Variants in ZC3H18 observed in about 807,000 individuals in gnomAD.
The protein encoded by ZC3H18 is zinc finger CCCH domain-containing protein 18.
A neutral mutation model predicts 106.1 loss-of-function variants in ZC3H18; 8 were observed. That is an observed-to-expected ratio of 0.08 (90% CI 0.04 to 0.14). The LOEUF (loss-of-function observed/expected upper bound fraction) is 0.14. Among genes scored for constraint, ZC3H18 ranks in the 10% least tolerant of loss-of-function variants. The pLI is 1.00. For missense variants in ZC3H18, 1,318 were observed against 1,278.4 expected (o/e 1.03, Z -0.47); for synonymous variants, 635 against 522.1 (o/e 1.22, Z -2.95).
At chr16:88,570,838 C>T (rs903786218) in intron 1 of ZC3H18, among the ~76,000 whole-genome samples, 1 of 152,226 alleles carries the variant, frequency 6.6e-6, no homozygotes, top group African/African-American at 2.4e-5. Flanking sequence ...CGCCCCGCGG[C>T]AGAGTTTATT....
Position 88,580,070 on chromosome 16 carries a change from C to T in ZC3H18, c.603+2344C>T, listed in dbSNP as rs1213441664. On this transcript the variant is annotated intron_variant, in intron 2 of 17. Transcript: ENST00000301011. ...TTCCCACGCCCAGCAGCGTTTCAGG[C>T]TCCTCCATCCTTTATGTGTCAACCT... Among the ~76,000 whole-genome samples, 4 of 152,090 alleles carry T rather than the reference C, an allele frequency of 2.6e-5. 1 individual carries two copies. Among genetic ancestry groups the T allele is most frequent in the Non-Finnish European group, 5.9e-5 (4 of 68,026 alleles).
At chr16:88,610,337 T>C (rs1244962686) in intron 7 of ZC3H18, among the ~76,000 whole-genome samples, 1 of 152,124 alleles carries the variant, frequency 6.6e-6, no homozygotes, top group Non-Finnish European at 1.5e-5. Flanking sequence ...CAGGAGCCCA[T>C]CAGGGTGAGC....
intron 8 of ZC3H18, among the ~76,000 whole-genome samples, chr16:88,615,774 C>T (rs1905560888): frequency 6.6e-6 from 1 of 152,216 alleles, no homozygotes; most frequent in Non-Finnish European, 1.5e-5. Context: ...CGTGCCTGGC[C>T]ACAGACCCCC....
chr16:88,605,554 C>T (rs1904971748), intron 6 of ZC3H18, among the ~76,000 whole-genome samples: 1 of 152,278 alleles, frequency 6.6e-6, no homozygotes, highest in Admixed American at 6.5e-5. Flanking sequence ...CTTTGCAGAG[C>T]ACAGCCTCCC....
rs57632461 is a variant in ZC3H18, at chr16:88,590,564, C to CTTTTTTTTTTTTTTTTT, written c.688+3896_688+3897insTTTTTTTTTTTTTTTTT. On this transcript the variant is annotated intron_variant, in intron 3 of 17. Coordinates refer to ENST00000301011, the MANE Select transcript of ZC3H18 (RefSeq NM_144604.4). ...TGTCCCACTTTGGGTTTCTTTATTT[C>CTTTTTTTTTTTTTTTTT]TTTTTTTTTTTTTTTTGAGACAGTG... Among the ~76,000 whole-genome samples the CTTTTTTTTTTTTTTTTT allele has an allele frequency of 3.8e-3, 385 of 100,624 alleles. 9 individuals carry two copies. Among genetic ancestry groups the CTTTTTTTTTTTTTTTTT allele is most frequent in the Non-Finnish European group, 4.2e-3 (223 of 53,666 alleles). 66.0% of individuals were successfully genotyped at this position (100,624 alleles called of 152,430 possible).
chr16:88,583,005 A>G (rs979556653), intron 2 of ZC3H18, among the ~76,000 whole-genome samples: 1 of 152,160 alleles, frequency 6.6e-6, no homozygotes, highest in Non-Finnish European at 1.5e-5. Context: ...ATAGACCCGT[A>G]TTTTCACCCA....
At chr16:88,622,983 G>T (rs918404512) in intron 9 of ZC3H18, 2 of 580,040 alleles carry the variant, frequency 3.4e-6, no homozygotes, top group Non-Finnish European at 5.9e-6. Flanking sequence ...CACACCCCAC[G>T]CCCAGGTCTT....
At position 88,599,925 on chromosome 16, in the gene ZC3H18, C is replaced by G; in HGVS notation, c.1065C>G (p.Ile355Met). The G allele has an allele frequency of 6.2e-7, 1 of 1,614,128 alleles. No individual in the cohort carries two copies. Among genetic ancestry groups the G allele is most frequent in the Admixed American group, 1.7e-5 (1 of 60,012 alleles). The change falls in exon 6 of 18, where the codon ATC (isoleucine) becomes ATG (methionine). Residue 355 changes from isoleucine (I) to methionine (M), a missense_variant. Transcript: ENST00000301011. ...TTTTTCGAGATTGGAATTCTCGGAT[C>G]CCGAGAGATGTCAGAGACACAGTGT... ...NEVFRDWNSR[I>M]PRDVRDTVLE...
At chr16:88,589,530 G>A (rs1478087676) in intron 3 of ZC3H18, among the ~76,000 whole-genome samples, 4 of 152,340 alleles carry the variant, frequency 2.6e-5, no homozygotes, top group South Asian at 2.1e-4. Flanking sequence ...CTTTGAAGAC[G>A]TGCTGAGTGA....
In ZC3H18 at chr16:88,627,614, G is replaced by T; in HGVS notation, c.2109-8G>T. ...CTGGGGTGTGGTGAGATGTGCTTGT[G>T]TGTCCAGGTCCCTGAGCGTGAGCAG... On this transcript the variant is annotated splice_region_variant and splice_polypyrimidine_tract_variant and intron_variant, in intron 13 of 17. Transcript: ENST00000301011. The surrounding 1 kb of genome is among the most constrained non-coding windows in gnomAD (Gnocchi z 4.5). 1 of 1,594,346 alleles carries T rather than the reference G, an allele frequency of 6.3e-7. No homozygotes were observed. The highest frequency in any genetic ancestry group is 1.1e-5 in the South Asian group (1 of 89,922).
At chr16:88,584,137 G>A (rs189194418) in intron 2 of ZC3H18, among the ~76,000 whole-genome samples, 142 of 152,166 alleles carry the variant, frequency 9.3e-4, no homozygotes, top group South Asian at 1.9e-3. Flanking sequence ...AATTGGGCAC[G>A]GAGGCTGGGC....
rs535847767 is a variant in ZC3H18 at position 88,628,957 on chromosome 16, G to A, written c.2566+103G>A. 256 of 1,179,658 alleles carry A rather than the reference G, an allele frequency of 2.2e-4. 1 individual carries two copies. The Middle Eastern group carries it at 3.7e-3, about 17-fold the overall frequency. 73.1% of individuals were successfully genotyped at this position (1,179,658 alleles called of 1,614,324 possible). ...ATTGCTCTTAACAAGTAGGAGGAGGGTCCAGAGAACATCTGACTTGCAGAT... is the reference window on the plus strand; with the variant it reads ...ATTGCTCTTAACAAGTAGGAGGAGGATCCAGAGAACATCTGACTTGCAGAT... On this transcript the variant is annotated intron_variant, in intron 16 of 17. Transcript: ENST00000301011.
At chr16:88,623,425 C>T in intron 10 of ZC3H18, 81 bp downstream of exon 10, 1 of 1,559,776 alleles carries the variant, frequency 6.4e-7, no homozygotes, top group Admixed American at 1.8e-5. Context: ...AGTTGTGGCG[C>T]CAGTAGCCCC....
Position 88,631,157 on chromosome 16 carries a change from G to A in ZC3H18, c.2720G>A (p.Gly907Asp), listed in dbSNP as rs1338759419. ...KSSSKVTSVP[G>D]KASDPGAAST... Reference sequence around the variant, plus strand: ...TCCAGCAAGGTCACGAGCGTGCCCGGCAAAGCCTCGGATCCCGGCGCCGCC... The same window carrying A: ...TCCAGCAAGGTCACGAGCGTGCCCGACAAAGCCTCGGATCCCGGCGCCGCC... The change falls in exon 18 of 18, where the codon GGC becomes GAC. Residue 907 changes from glycine (G) to aspartate (D), a missense_variant. By Grantham distance (94) the Gly-to-Asp change is moderately conservative. Around this residue, in one of 6 missense-constraint regions of ZC3H18, gnomAD observed 848 missense variants for 821.7 expected, o/e 1.03. Coordinates refer to ENST00000301011, the MANE Select transcript of ZC3H18 (RefSeq NM_144604.4). 6.2e-7 allele frequency: 1 copy of A among 1,613,350 alleles called. No individual in the cohort carries two copies. Among genetic ancestry groups the A allele is most frequent in the East Asian group, 2.2e-5 (1 of 44,854 alleles).
intron 1 of ZC3H18, chr16:88,571,489 G>A (rs548011257): frequency 4.9e-5 from 20 of 404,438 alleles, no homozygotes; most frequent in Admixed American, 1.9e-4. Flanking sequence ...GCTGAATCCC[G>A]CTTCCCAGCT....
rs1914828827 is a variant in ZC3H18 at position 88,577,427 on chromosome 16, G to C, written c.304G>C (p.Asp102His). Residue 102 changes from aspartate (D) to histidine (H), a missense_variant, in exon 2 of 18, where the codon GAC (aspartate) becomes CAC (histidine). This residue lies in a region of ZC3H18 where 346 missense variants were observed against 269.0 expected (regional missense o/e 1.29). Coordinates refer to ENST00000301011, the MANE Select transcript of ZC3H18 (RefSeq NM_144604.4). ...CAGCTCCCCCTGCGAGGAGGAGGGG[G>C]ACGAAGGGGAGGAAGACCGGACAAG... ...PTSSPCEEEGDEGEEDRTSDL... is the reference protein window; with the variant it reads ...PTSSPCEEEGHEGEEDRTSDL... 2.5e-6 allele frequency: 4 copies of C among 1,607,040 alleles called. No homozygotes were observed. The highest frequency in any genetic ancestry group is 3.4e-6 in the Non-Finnish European group (4 of 1,175,720).
In ZC3H18 at chr16:88,611,339, G is replaced by T; in HGVS notation, c.1278G>T (p.Glu426Asp). 1.3e-6 allele frequency: 1 copy of T among 796,248 alleles called. No individual in the cohort carries two copies. Among genetic ancestry groups the T allele is most frequent in the Non-Finnish European group, 2.2e-6 (1 of 456,766 alleles). The allele number at this position is 796,248 out of a possible 1,614,324, so 49.3% of individuals were successfully genotyped here. A position where few individuals can be genotyped will look rare whatever the true frequency, so the allele number is the denominator to read the frequency against. ...ERERERERDRERERRQRERER... is the reference protein window; with the variant it reads ...ERERERERDRDRERRQRERER... The stretch of plus-strand genomic sequence containing the variant: ...AGCGGGAGCGGGAGCGGGACCGAGA[G>T]CGGGAGCGCCGGCAGAGGGAGCGCG... Residue 426 changes from glutamate to aspartate, a missense_variant, in exon 8 of 18, where the codon GAG (glutamate) becomes GAT (aspartate). By Grantham distance (45) the Glu-to-Asp change is conservative. This residue lies in a region of ZC3H18 where 848 missense variants were observed against 821.7 expected (regional missense o/e 1.03). Coordinates refer to ENST00000301011, the MANE Select transcript of ZC3H18 (RefSeq NM_144604.4).
intron 1 of ZC3H18, among the ~76,000 whole-genome samples, chr16:88,572,286 G>A (rs1184490505): frequency 6.6e-6 from 1 of 152,202 alleles, no homozygotes; most frequent in African/African-American, 2.4e-5. Context: ...TCGGAAGGGA[G>A]GTAGCACCTG....
intron 13 of ZC3H18, chr16:88,626,286 G>T (rs1013918360): frequency 6.6e-6 from 1 of 152,108 alleles, no homozygotes; most frequent in Admixed American, 6.6e-5. Context: ...GTATAGTGGT[G>T]TGTGCCTATG....
Sources: gnomAD v4.1 joint callset for allele counts (sites outside exome capture counted in the v4.1 genomes callset) on GRCh38, gnomAD v4.1.1 for gene constraint, gnomAD v4.1.1 regional missense constraint, Gnocchi (gnomAD v3.1) non-coding constraint, MANE v1.5 for transcripts, NCBI Gene and HGNC (gene_info 2026-07-23, HGNC 2026-07-21) for gene names.